Variants in NBAS observed in about 807,000 individuals in gnomAD.
NBAS encodes the protein NBAS subunit of NRZ tethering complex.
NBAS carries 219 observed loss-of-function variants against 302.5 expected under a neutral mutation model. The observed-to-expected ratio is 0.72, with a 90% CI of 0.65 to 0.81. The LOEUF (loss-of-function observed/expected upper bound fraction) is 0.81, where lower values mean the gene tolerates loss of function less well. NBAS is among the 30% of genes least tolerant of loss of function. The probability of loss-of-function intolerance (pLI) is 0.00; values close to 1 mark genes in which losing one functional copy is unlikely to be tolerated. For synonymous variants in NBAS, 1,118 were observed against 1,021.6 expected (o/e 1.09, Z -1.80); for missense variants, 2,932 against 2,841.6 (o/e 1.03, Z -0.72).
At chr2:15,004,308 C>T in the NBAS span, among the ~76,000 whole-genome samples, 2,273 of 152,180 alleles carry the variant, frequency 0.015, 68 homozygotes, top group African/African-American at 0.052. Context: ...TTTACAGTTT[C>T]GGGAAATTTT....
intron 9 of NBAS, among the ~76,000 whole-genome samples, chr2:15,532,482 C>T (rs185967233): frequency 7.5e-6 from 1 of 133,788 alleles, no homozygotes; most frequent in African/African-American, 3.0e-5. Flanking sequence ...GAGTGAGACT[C>T]CATCTCAAAA....
At chr2:15,101,416 T>C in the NBAS span, among the ~76,000 whole-genome samples, 1 of 152,120 alleles carries the variant, frequency 6.6e-6, no homozygotes, top group African/African-American at 2.4e-5. Context: ...AGATACTACA[T>C]ATATAAGTTA....
chr2:15,058,653 C>A, the NBAS span, among the ~76,000 whole-genome samples: 1 of 152,152 alleles, frequency 6.6e-6, no homozygotes, highest in African/African-American at 2.4e-5. Context: ...AGATAACATC[C>A]TTGAGGCAGA....
chr2:15,044,336 C>A, the NBAS span, among the ~76,000 whole-genome samples: 2 of 152,188 alleles, frequency 1.3e-5, no homozygotes, highest in Non-Finnish European at 2.9e-5. Context: ...GCTGACTTGA[C>A]AATGAACTCC....
At chr2:14,928,013 G>C in the NBAS span, among the ~76,000 whole-genome samples, 1 of 152,094 alleles carries the variant, frequency 6.6e-6, no homozygotes, top group African/African-American at 2.4e-5. Context: ...TTATCTTTTC[G>C]TATCTACTGC....
At chr2:15,416,078 G>A (rs540291068) in intron 24 of NBAS, among the ~76,000 whole-genome samples, 11 of 150,208 alleles carry the variant, frequency 7.3e-5, no homozygotes, top group African/African-American at 2.2e-4. Context: ...GAAGGCATAC[G>A]CAAAAACAGA....
chr2:15,151,546 T>C, the NBAS span, among the ~76,000 whole-genome samples: 1 of 152,266 alleles, frequency 6.6e-6, no homozygotes, highest in Non-Finnish European at 1.5e-5. Flanking sequence ...ATAATGGCTC[T>C]GGACTACCTG....
At chr2:15,209,269 A>C (rs72776621) in intron 48 of NBAS, among the ~76,000 whole-genome samples, 15,096 of 152,176 alleles carry the variant, frequency 0.099, 1,267 homozygotes, top group East Asian at 0.32. Flanking sequence ...AAACCTGAAC[A>C]GACCAATAAC....
At chr2:14,944,157 G>A in the NBAS span, among the ~76,000 whole-genome samples, 14 of 152,200 alleles carry the variant, frequency 9.2e-5, no homozygotes, top group East Asian at 2.1e-3. Flanking sequence ...AAAATTAGCC[G>A]GGCATGGTGG....
At chr2:14,779,043 C>T in the NBAS span, among the ~76,000 whole-genome samples, 3 of 152,114 alleles carry the variant, frequency 2.0e-5, no homozygotes, top group Admixed American at 6.6e-5. Flanking sequence ...ATGACTAATC[C>T]AAGACGCTTT....
chr2:15,005,787 A>G, the NBAS span, among the ~76,000 whole-genome samples: 3 of 152,222 alleles, frequency 2.0e-5, no homozygotes, highest in Non-Finnish European at 4.4e-5. Context: ...TCCATATTGC[A>G]GCTACCTGAT....
chr2:15,264,848 C>T (rs543581393), intron 44 of NBAS, among the ~76,000 whole-genome samples: 2 of 152,238 alleles, frequency 1.3e-5, no homozygotes, highest in South Asian at 2.1e-4. Flanking sequence ...ACGAGGGAGA[C>T]GGATGAAAAT....
At chr2:15,155,800 C>A in the NBAS span, among the ~76,000 whole-genome samples, 4 of 152,148 alleles carry the variant, frequency 2.6e-5, no homozygotes, top group African/African-American at 9.7e-5. Context: ...AAAGTTTCAG[C>A]CCATTTCCTT....
At chr2:14,955,629 G>C in the NBAS span, among the ~76,000 whole-genome samples, 1 of 152,200 alleles carries the variant, frequency 6.6e-6, no homozygotes, top group East Asian at 1.9e-4. Context: ...CTTGACTTAC[G>C]TGTACCCATA....
chr2:14,884,441 C>A, the NBAS span, among the ~76,000 whole-genome samples: 1 of 152,094 alleles, frequency 6.6e-6, no homozygotes, highest in Non-Finnish European at 1.5e-5. Context: ...CTGGCCAAAT[C>A]AAAATTGCTC....
At chr2:15,015,232 T>C in the NBAS span, among the ~76,000 whole-genome samples, 1 of 151,184 alleles carries the variant, frequency 6.6e-6, no homozygotes, top group African/African-American at 2.4e-5. Flanking sequence ...TACTAATTAT[T>C]CTCAAACTAT....
chr2:15,146,484 C>A, the NBAS span, among the ~76,000 whole-genome samples: 1 of 152,094 alleles, frequency 6.6e-6, no homozygotes, highest in Non-Finnish European at 1.5e-5. Flanking sequence ...AAGTCCAACA[C>A]CCCCAGTCAG....
intron 51 of NBAS, among the ~76,000 whole-genome samples, chr2:15,174,111 C>A (rs760691746): frequency 6.6e-6 from 1 of 152,198 alleles, no homozygotes; most frequent in African/African-American, 2.4e-5. Flanking sequence ...AGTCAGATCT[C>A]TGTATGTTCA....
intron 38 of NBAS, among the ~76,000 whole-genome samples, chr2:15,322,020 G>A (rs1243907902): frequency 2.0e-5 from 3 of 152,128 alleles, no homozygotes; most frequent in Non-Finnish European, 2.9e-5. Context: ...ACCAGATTAA[G>A]AAAATGTGGC....
Sources: allele counts gnomAD v4.1 joint callset (sites outside exome capture counted in the v4.1 genomes callset), GRCh38; gene constraint gnomAD v4.1.1; transcripts MANE v1.5; gene names NCBI Gene and HGNC (gene_info 2026-07-23, HGNC 2026-07-21).